The following PRICKLE1 variants were observed in gnomAD, a reference collection of about 807,000 sequenced individuals.
PRICKLE1 encodes prickle-like protein 1.
In PRICKLE1, 14 loss-of-function variants were observed where a neutral mutation model predicts 70.2. The observed-to-expected ratio is 0.20, with a 90% CI of 0.13 to 0.31. The LOEUF (loss-of-function observed/expected upper bound fraction) is 0.31. PRICKLE1 is among the 10% of genes least tolerant of loss of function. The pLI is 1.00. For missense variants in PRICKLE1, 821 were observed against 1,026.2 expected (o/e 0.80, Z 2.73); for synonymous variants, 357 against 379.9 (o/e 0.94, Z 0.70).
At chr12:42,556,528 T>C (rs1252528847) in intron 1 of PRICKLE1, among the ~76,000 whole-genome samples, 1 of 152,218 alleles carries the variant, frequency 6.6e-6, no homozygotes, top group East Asian at 1.9e-4. Context: ...CTAAGCGTCA[T>C]GGCCAGGGGT....
At chr12:42,511,243 G>C (rs1939507955) in intron 1 of PRICKLE1, among the ~76,000 whole-genome samples, 1 of 152,174 alleles carries the variant, frequency 6.6e-6, no homozygotes, top group Admixed American at 6.5e-5. Context: ...CAAAAGACAG[G>C]GTCTCATTAT....
chr12:42,556,505 A>C (rs181356199), intron 1 of PRICKLE1, among the ~76,000 whole-genome samples: 1 of 152,354 alleles, frequency 6.6e-6, no homozygotes, highest in African/African-American at 2.4e-5. Context: ...GCTGGAGATC[A>C]TGCAGCTACT....
chr12:42,518,731 T>C (rs1034308126), intron 1 of PRICKLE1, among the ~76,000 whole-genome samples: 3 of 152,248 alleles, frequency 2.0e-5, no homozygotes, highest in Admixed American at 6.5e-5. Context: ...TCAATATTAA[T>C]GTTCAGTTAC....
intron 1 of PRICKLE1, among the ~76,000 whole-genome samples, chr12:42,530,680 A>ATTT (rs34675637): frequency 0.051 from 4,910 of 97,040 alleles, 257 homozygotes; most frequent in East Asian, 0.09. Context: ...TTATCAAATA[A>ATTT]TTTTTTTTTT....
chr12:42,577,431 C>T (rs937425338), intron 1 of PRICKLE1, among the ~76,000 whole-genome samples: 1 of 152,146 alleles, frequency 6.6e-6, no homozygotes, highest in African/African-American at 2.4e-5. Flanking sequence ...ACTGGCCACA[C>T]TGAATAATAA....
At chr12:42,576,848 T>C (rs1015208940) in intron 1 of PRICKLE1, among the ~76,000 whole-genome samples, 1 of 152,172 alleles carries the variant, frequency 6.6e-6, no homozygotes, top group Admixed American at 6.5e-5. Context: ...TTAATTACAA[T>C]GCTACTAAAA....
chr12:42,491,027 A>G (rs533892770), intron 1 of PRICKLE1, among the ~76,000 whole-genome samples: 1 of 151,658 alleles, frequency 6.6e-6, no homozygotes, highest in South Asian at 2.1e-4. Context: ...GGTATGCGCC[A>G]CCGTGCCTGG....
chr12:42,543,794 T>C (rs1011261852), intron 1 of PRICKLE1, among the ~76,000 whole-genome samples: 7 of 152,130 alleles, frequency 4.6e-5, no homozygotes, highest in Non-Finnish European at 7.4e-5. Flanking sequence ...GTGCTGGGAT[T>C]ACAGGCGTGA....
At chr12:42,493,478 G>A (rs1423120883) in intron 1 of PRICKLE1, among the ~76,000 whole-genome samples, 4 of 152,164 alleles carry the variant, frequency 2.6e-5, no homozygotes, top group Non-Finnish European at 5.9e-5. Context: ...CAAACGAATT[G>A]ACTAACTTGA....
intron 1 of PRICKLE1, among the ~76,000 whole-genome samples, chr12:42,506,614 C>T (rs569714858): frequency 3.8e-4 from 48 of 127,676 alleles, no homozygotes; most frequent in African/African-American, 1.4e-3. Flanking sequence ...CTCACTCTGT[C>T]GCCCAGGCTG....
intron 1 of PRICKLE1, among the ~76,000 whole-genome samples, chr12:42,522,819 A>T (rs550568665): frequency 6.6e-6 from 1 of 152,290 alleles, no homozygotes; most frequent in South Asian, 2.1e-4. Flanking sequence ...CATAAATTTG[A>T]TCTTTAGGGA....
At chr12:42,562,060 T>A (rs1038614915) in intron 1 of PRICKLE1, among the ~76,000 whole-genome samples, 10 of 152,110 alleles carry the variant, frequency 6.6e-5, no homozygotes, top group South Asian at 4.2e-4. Flanking sequence ...TAGAGGCACG[T>A]GCCACTGCAC....
chr12:42,500,031 A>G (rs1333970512), intron 1 of PRICKLE1, among the ~76,000 whole-genome samples: 1 of 152,184 alleles, frequency 6.6e-6, no homozygotes, highest in African/African-American at 2.4e-5. Context: ...GATTACAGGC[A>G]TGAGCCACCG....
chr12:42,505,912 G>T (rs1014042768), intron 1 of PRICKLE1, among the ~76,000 whole-genome samples: 1 of 152,204 alleles, frequency 6.6e-6, no homozygotes, highest in Non-Finnish European at 1.5e-5. Flanking sequence ...AGTCTCCATA[G>T]ATAACTGCAA....
chr12:42,488,747 TG>T (rs1282193633), intron 1 of PRICKLE1, among the ~76,000 whole-genome samples: 7 of 152,204 alleles, frequency 4.6e-5, no homozygotes, highest in African/African-American at 1.4e-4. Context: ...AAGTAATATT[TG>T]GTAAGCTGAC....
At chr12:42,538,696 A>C (rs1018493814) in intron 1 of PRICKLE1, among the ~76,000 whole-genome samples, 3 of 152,198 alleles carry the variant, frequency 2.0e-5, no homozygotes, top group African/African-American at 4.8e-5. Flanking sequence ...CTTCCTAATT[A>C]GATTTTAAGC....
intron 6 of PRICKLE1, chr12:42,465,578 T>G: frequency 2.8e-6 from 1 of 352,042 alleles, no homozygotes; most frequent in Non-Finnish European, 5.2e-6. Flanking sequence ...TCTCATACTG[T>G]AGACAAGTGT....
intron 7 of PRICKLE1, among the ~76,000 whole-genome samples, chr12:42,463,417 T>TAA (rs530679199): frequency 6.8e-6 from 1 of 147,370 alleles, no homozygotes; most frequent in African/African-American, 2.5e-5. Flanking sequence ...GGAAGATGTT[T>TAA]AAAAAAAAAA....
chr12:42,570,065 G>A (rs1026764914), intron 1 of PRICKLE1, among the ~76,000 whole-genome samples: 4 of 152,230 alleles, frequency 2.6e-5, no homozygotes, highest in Non-Finnish European at 5.9e-5. Context: ...AGCCTTATAG[G>A]CTCATTAGCC....
Sources: allele counts gnomAD v4.1 joint callset (sites outside exome capture counted in the v4.1 genomes callset), GRCh38; gene constraint gnomAD v4.1.1; transcripts MANE v1.5; gene names NCBI Gene and HGNC (gene_info 2026-07-23, HGNC 2026-07-21).